Variants in SERP2 observed in about 807,000 individuals in gnomAD.
The protein encoded by SERP2 is stress-associated endoplasmic reticulum protein 2.
In SERP2, 6 loss-of-function variants were observed where a neutral mutation model predicts 9.1. The ratio of observed to expected loss-of-function variants is 0.66; its 90% CI spans 0.36 to 1.30. The LOEUF (loss-of-function observed/expected upper bound fraction) is 1.30, where lower values mean the gene tolerates loss of function less well. Ranked by LOEUF, SERP2 falls within the 50% of genes most tolerant of loss-of-function variation. SERP2 has a pLI of 0.03. For missense variants in SERP2, 58 were observed against 81.9 expected, an observed-to-expected ratio of 0.71 and a Z score of 1.13; for synonymous variants, 37 against 27.3, an observed-to-expected ratio of 1.35 and a Z score of -1.10.
At chr13:44,385,793 T>A (rs1407697445) in intron 2 of SERP2, among the ~76,000 whole-genome samples, 1 of 152,146 alleles carries the variant, frequency 6.6e-6, no homozygotes, top group Non-Finnish European at 1.5e-5. Context: ...TCCCAAGGTG[T>A]CCTGGCATTG....
chr13:44,377,870 C>A (rs75792985), intron 1 of SERP2, among the ~76,000 whole-genome samples: 237 of 152,306 alleles, frequency 1.6e-3, no homozygotes, highest in African/African-American at 5.6e-3. Context: ...TGTTTAAGTT[C>A]TGTGGCAGGC....
chr13:44,392,179 A>G (rs939819686), intron 2 of SERP2, among the ~76,000 whole-genome samples: 3 of 91,868 alleles, frequency 3.3e-5, no homozygotes, highest in African/African-American at 1.3e-4. Flanking sequence ...GGCTGGTGAC[A>G]GAGTGAGACT....
intron 1 of SERP2, among the ~76,000 whole-genome samples, chr13:44,379,230 C>T (rs772052618): frequency 8.5e-5 from 13 of 152,346 alleles, no homozygotes; most frequent in Non-Finnish European, 1.3e-4. Context: ...AGTTTCTCAA[C>T]TCCAAAATGG....
intron 1 of SERP2, among the ~76,000 whole-genome samples, chr13:44,378,688 C>A (rs7324377): frequency 1.3e-5 from 2 of 151,746 alleles, no homozygotes; most frequent in African/African-American, 2.4e-5. Context: ...TTCACTCTCC[C>A]ATTCTATTTG....
chr13:44,377,121 A>G (rs994964913), intron 1 of SERP2, among the ~76,000 whole-genome samples: 2 of 152,234 alleles, frequency 1.3e-5, no homozygotes, highest in African/African-American at 4.8e-5. Context: ...ATGATCAGCC[A>G]AAGTCCCCAA....
intron 1 of SERP2, among the ~76,000 whole-genome samples, chr13:44,378,818 T>C (rs932117881): frequency 6.6e-6 from 1 of 152,172 alleles, no homozygotes; most frequent in Non-Finnish European, 1.5e-5. Context: ...GGGAAGATCT[T>C]ATTATGTCTG....
At chr13:44,395,453 A>C (rs1390068801) in intron 2 of SERP2, among the ~76,000 whole-genome samples, 1 of 151,774 alleles carries the variant, frequency 6.6e-6, no homozygotes, top group African/African-American at 2.4e-5. Flanking sequence ...AAATACAAAA[A>C]ATTAGCCGGG....
At chr13:44,395,730 C>T (rs1387473201) in intron 2 of SERP2, 3 of 450,682 alleles carry the variant, frequency 6.7e-6, no homozygotes, top group South Asian at 4.8e-5. Context: ...ACAGATGAGT[C>T]CCTGACACTC....
At chr13:44,390,443 A>C (rs1416947821) in intron 2 of SERP2, 1 of 456,624 alleles carries the variant, frequency 2.2e-6, no homozygotes, top group Non-Finnish European at 4.4e-6. Context: ...CACCCCCAAG[A>C]CCGGCAACTG....
chr13:44,385,171 C>T (rs917310650), intron 2 of SERP2, among the ~76,000 whole-genome samples: 1 of 152,218 alleles, frequency 6.6e-6, no homozygotes, highest in African/African-American at 2.4e-5. Flanking sequence ...TTCTTATAGA[C>T]AGTTGTGGGT....
chr13:44,390,398 T>C (rs1375212027), intron 2 of SERP2: 1 of 451,904 alleles, frequency 2.2e-6, no homozygotes, highest in Non-Finnish European at 4.4e-6. Flanking sequence ...CTGCCAGAAC[T>C]TTCTCAAAGT....
Position 44,373,866 on chromosome 13 carries a change from G to A in SERP2, c.-160G>A. 1.7e-6 allele frequency: 1 copy of A among 572,858 alleles called. No individual in the cohort carries two copies. The highest frequency in any genetic ancestry group is 2.4e-5 in the South Asian group (1 of 41,918). 35.5% of individuals were successfully genotyped at this position (572,858 alleles called of 1,614,324 possible). A position where few individuals can be genotyped will look rare whatever the true frequency, so the allele number is the denominator to read the frequency against. On this transcript the variant is annotated 5_prime_UTR_variant, in exon 1 of 3. Transcript: ENST00000379179. The surrounding 1 kb of genome is among the most constrained non-coding windows in gnomAD (Gnocchi z 4.8). ...GGCCTCTCTCTGGAGTCGGCTAGCC[G>A]GGGCTCGGGGAGCGGGGTGCGCAGG... is the stretch of plus-strand genomic sequence containing the variant.
intron 2 of SERP2, among the ~76,000 whole-genome samples, chr13:44,384,668 T>C (rs769285033): frequency 1.1e-4 from 17 of 152,188 alleles, no homozygotes; most frequent in Non-Finnish European, 1.9e-4. Flanking sequence ...TTAGCTCTCC[T>C]TTGAACAAGA....
At chr13:44,377,456 T>C (rs919627945) in intron 1 of SERP2, among the ~76,000 whole-genome samples, 1 of 152,230 alleles carries the variant, frequency 6.6e-6, no homozygotes, top group African/African-American at 2.4e-5. Context: ...GCTTTATGAA[T>C]GTTGTTTACC....
chr13:44,397,215 T>G, intron 2 of SERP2, 57 bp from the exon 3 acceptor site: 1 of 1,500,224 alleles, frequency 6.7e-7, no homozygotes, highest in South Asian at 1.1e-5. Context: ...CACTGTGGGC[T>G]GGGTTTCCAG....
intron 2 of SERP2, among the ~76,000 whole-genome samples, chr13:44,383,762 A>G (rs1872158868): frequency 1.3e-5 from 2 of 150,716 alleles, no homozygotes; most frequent in South Asian, 4.2e-4. Context: ...CATGTTGGCC[A>G]GAATGGTCTT....
At chr13:44,395,140 T>TC (rs1437008703) in intron 2 of SERP2, among the ~76,000 whole-genome samples, 1 of 152,218 alleles carries the variant, frequency 6.6e-6, no homozygotes, top group Non-Finnish European at 1.5e-5. Flanking sequence ...ATCTTTTTTT[T>TC]CCTAATGTTG....
chr13:44,388,571 G>A (rs1021836890), intron 2 of SERP2, among the ~76,000 whole-genome samples: 6 of 152,202 alleles, frequency 3.9e-5, no homozygotes, highest in Admixed American at 3.3e-4. Flanking sequence ...GGCACCATCC[G>A]TTGGGAGTCG....
chr13:44,373,794 G>A (rs1871448012), upstream of SERP2: 3 of 477,206 alleles, frequency 6.3e-6, no homozygotes, highest in Middle Eastern at 5.6e-4. This position sits in a 1 kb window ranked among gnomAD's most constrained non-coding sequence, Gnocchi z 4.8. Context: ...TGGCGAGGAA[G>A]TCGGAAAGGG....
Sources: allele counts gnomAD v4.1 joint callset (sites outside exome capture counted in the v4.1 genomes callset), GRCh38; gene constraint gnomAD v4.1.1; non-coding constraint Gnocchi (gnomAD v3.1); transcripts MANE v1.5; gene names NCBI Gene and HGNC (gene_info 2026-07-23, HGNC 2026-07-21).